The following ADGB variants were observed in gnomAD, a reference collection of about 807,000 sequenced individuals.
ADGB encodes androglobin.
A neutral mutation model predicts 210.5 loss-of-function variants in ADGB; 172 were observed. That is an observed-to-expected ratio of 0.82 (90% CI 0.72 to 0.93). ADGB has a LOEUF of 0.93. Ranked by LOEUF, ADGB falls within the 40% of genes least tolerant of loss-of-function variation. The pLI is 0.00. For missense variants in ADGB, 2,025 were observed against 1,964.8 expected (o/e 1.03, Z -0.58); for synonymous variants, 658 against 662.7 (o/e 0.99, Z 0.11).
chr6:146,807,531 G>C, intron 35 of ADGB: 3 of 1,551,368 alleles, frequency 1.9e-6, no homozygotes, highest in Non-Finnish European at 1.7e-6. Flanking sequence ...GCTGGAGACA[G>C]AAAAGATGAC....
chr6:146,769,240 TATTA>T, intron 29 of ADGB, 109 bp downstream of exon 29: 2 of 546,744 alleles, frequency 3.7e-6, no homozygotes, highest in Non-Finnish European at 6.5e-6. Flanking sequence ...TATGATGTTT[TATTA>T]CACATTATAA....
At chr6:146,766,897 C>T (rs1196524395) in intron 28 of ADGB, among the ~76,000 whole-genome samples, 3 of 152,136 alleles carry the variant, frequency 2.0e-5, no homozygotes, top group South Asian at 4.1e-4. Context: ...CTCAGAAATT[C>T]AGAAATCTTT....
intron 13 of ADGB, among the ~76,000 whole-genome samples, chr6:146,713,902 G>A (rs1776694761): frequency 6.6e-6 from 1 of 152,036 alleles, no homozygotes; most frequent in Admixed American, 6.6e-5. Flanking sequence ...ATCCGCTTCA[G>A]TGCCTAAAGC....
chr6:146,663,659 C>A (rs1160926368), intron 5 of ADGB, among the ~76,000 whole-genome samples: 1 of 151,828 alleles, frequency 6.6e-6, no homozygotes, highest in Non-Finnish European at 1.5e-5. Context: ...TATACATGTT[C>A]AGTAATCATA....
intron 35 of ADGB, among the ~76,000 whole-genome samples, chr6:146,813,678 A>T (rs1470297261): frequency 2.0e-5 from 3 of 152,218 alleles, no homozygotes; most frequent in Non-Finnish European, 2.9e-5. Context: ...AATGGATATT[A>T]AAATTGTGTA....
In ADGB at chr6:146,741,735, C is replaced by T. The variant is rs201501881; in HGVS notation, c.3177+464C>T. Among the ~76,000 whole-genome samples the T allele has an allele frequency of 6.2e-4, 94 of 152,262 alleles. No homozygotes were observed. The East Asian group carries it at 7.9e-3, about 13-fold the overall frequency. On this transcript the variant is annotated intron_variant, in intron 25 of 35. Transcript: ENST00000397944. The stretch of plus-strand genomic sequence containing the variant: ...TTGAGAGCTAAATAAATTGCTTTAC[C>T]AGCCAGAGGTACTTGGGGACCTTAC...
At position 146,663,650 on chromosome 6, in the gene ADGB, A is replaced by G. The variant is rs182943071; in HGVS notation, c.613-551A>G. ...CAGGATAGATATGTTCAATATAGAT[A>G]TACATGTTCAGTAATCATACAGTAT... On this transcript the variant is annotated intron_variant, in intron 5 of 35. Coordinates refer to ENST00000397944, the MANE Select transcript of ADGB (RefSeq NM_024694.4). 4.6e-5 allele frequency among the ~76,000 whole-genome samples: 7 copies of G among 152,124 alleles called. No homozygotes were observed. The East Asian group carries it at 1.4e-3, about 29-fold the overall frequency.
intron 1 of ADGB, among the ~76,000 whole-genome samples, chr6:146,623,887 C>T (rs1780936030): frequency 6.6e-6 from 1 of 151,784 alleles, no homozygotes. Flanking sequence ...GATTGATTAT[C>T]ATATATTGAA....
intron 7 of ADGB, among the ~76,000 whole-genome samples, chr6:146,667,399 C>A (rs1775950944): frequency 6.6e-6 from 1 of 152,042 alleles, no homozygotes; most frequent in Non-Finnish European, 1.5e-5. Context: ...GTGGTTAACA[C>A]CTGTTCTCTC....
intron 35 of ADGB, among the ~76,000 whole-genome samples, chr6:146,814,434 G>A (rs1242052220): frequency 2.0e-5 from 3 of 152,192 alleles, no homozygotes; most frequent in Non-Finnish European, 4.4e-5. Context: ...TAAGAGCTAA[G>A]TGAAATCAGT....
chr6:146,628,134 C>G (rs1781005657), intron 1 of ADGB, among the ~76,000 whole-genome samples: 1 of 151,830 alleles, frequency 6.6e-6, no homozygotes, highest in African/African-American at 2.4e-5. Context: ...TTTTTACAAG[C>G]ATGTATTCAC....
chr6:146,617,140 T>C (rs575944601), intron 1 of ADGB, among the ~76,000 whole-genome samples: 16 of 152,208 alleles, frequency 1.1e-4, no homozygotes, highest in African/African-American at 3.8e-4. Flanking sequence ...TTTTTTAGTT[T>C]TCTTTGTAGA....
chr6:146,731,127 A>G (rs564255282), intron 20 of ADGB, among the ~76,000 whole-genome samples: 1 of 152,210 alleles, frequency 6.6e-6, no homozygotes, highest in South Asian at 2.1e-4. Context: ...ACTTCCCCTT[A>G]CAGTGTAATG....
chr6:146,637,757 CA>C (rs1775445872), intron 2 of ADGB, among the ~76,000 whole-genome samples: 1 of 151,944 alleles, frequency 6.6e-6, no homozygotes, highest in African/African-American at 2.4e-5. Context: ...TTTTTATACT[CA>C]GTGTATATCA....
chr6:146,748,000 C>G (rs1380716368), intron 26 of ADGB, among the ~76,000 whole-genome samples: 1 of 151,828 alleles, frequency 6.6e-6, no homozygotes, highest in Non-Finnish European at 1.5e-5. Context: ...CCAGGCTAGT[C>G]TCAAACTCCT....
At chr6:146,687,751 T>A (rs1776252622) in intron 10 of ADGB, among the ~76,000 whole-genome samples, 1 of 151,988 alleles carries the variant, frequency 6.6e-6, no homozygotes, top group South Asian at 2.1e-4. Flanking sequence ...TGTACCTGTA[T>A]CCTGTTTGTT....
chr6:146,699,125 G>A (rs576514345), intron 12 of ADGB, among the ~76,000 whole-genome samples: 9 of 152,130 alleles, frequency 5.9e-5, no homozygotes, highest in East Asian at 1.9e-4. Context: ...TATAGACATC[G>A]ACATAGATAT....
Position 146,733,149 on chromosome 6 carries a change from GA to G in ADGB, c.2556del (p.Val853PhefsTer3). On this transcript the variant is annotated frameshift_variant, in exon 21 of 36. Transcript: ENST00000397944. LOFTEE classifies it high-confidence loss of function. ...TTCATCTTTCCTTATGGCGTTTAAT[GA>G]AAAAAGTTCAAATAACAAAACCTCC... is the stretch of plus-strand genomic sequence containing the variant. ...VFHLSLWRLM[K>X]KVQITKPPPN... is the part of the protein sequence containing the mutation. 1 of 1,530,820 alleles carries G rather than the reference GA, an allele frequency of 6.5e-7. No homozygotes were observed. Among genetic ancestry groups the G allele is most frequent in the Non-Finnish European group, 8.8e-7 (1 of 1,136,134 alleles). The allele number at this position is 1,530,820 out of a possible 1,614,324, so 94.8% of individuals were successfully genotyped here.
At chr6:146,766,325 G>T (rs932129840) in intron 28 of ADGB, among the ~76,000 whole-genome samples, 20 of 152,012 alleles carry the variant, frequency 1.3e-4, no homozygotes, top group Non-Finnish European at 2.6e-4. Flanking sequence ...TACTTCAGAG[G>T]CTGAGGCATG....
Sources: gnomAD v4.1 joint callset for allele counts (sites outside exome capture counted in the v4.1 genomes callset) on GRCh38, gnomAD v4.1.1 for gene constraint, MANE v1.5 for transcripts, NCBI Gene and HGNC (gene_info 2026-07-23, HGNC 2026-07-21) for gene names.